EFHC2: variants seen among roughly 807,000 people sequenced by gnomAD.
The protein encoded by EFHC2 is EF-hand domain-containing family member C2.
Under a neutral mutation model 52.7 loss-of-function variants are expected in EFHC2, and 18 were observed. That is an observed-to-expected ratio of 0.34 (90% CI 0.24 to 0.51). EFHC2 has a LOEUF of 0.51. Ranked by LOEUF, EFHC2 falls within the 20% of genes least tolerant of loss-of-function variation. EFHC2 has a pLI of 0.97. For synonymous variants in EFHC2, 203 were observed against 204.1 expected (o/e 0.99, Z 0.04); for missense variants, 513 against 562.5 (o/e 0.91, Z 0.89).
chrX:44,207,016 G>A (rs1294384716), intron 11 of EFHC2, among the ~76,000 whole-genome samples: 7 of 111,026 alleles, frequency 6.3e-5, no homozygotes, highest in East Asian at 2.8e-4. Context: ...AAATAGGCAC[G>A]TACTAATAGA....
chrX:44,161,057 G>T (rs1160812205), intron 14 of EFHC2, among the ~76,000 whole-genome samples: 2 of 112,035 alleles, frequency 1.8e-5, no homozygotes, highest in Non-Finnish European at 3.8e-5. Flanking sequence ...AAATGCATGT[G>T]GTATGATCTT....
intron 7 of EFHC2, among the ~76,000 whole-genome samples, chrX:44,242,948 G>A (rs2037371435): frequency 8.9e-6 from 1 of 112,020 alleles, no homozygotes; most frequent in Admixed American, 9.5e-5. Flanking sequence ...ATGCAATGAA[G>A]CGAACAAACA....
chrX:44,262,381 C>A (rs1396427147), intron 3 of EFHC2, among the ~76,000 whole-genome samples: 3 of 106,500 alleles, frequency 2.8e-5, no homozygotes, highest in Non-Finnish European at 5.8e-5. Flanking sequence ...TATGGTGGTG[C>A]CCACATGTGG....
chrX:44,175,958 A>C (rs1300788717), intron 13 of EFHC2, among the ~76,000 whole-genome samples: 1 of 112,325 alleles, frequency 8.9e-6, no homozygotes, highest in Non-Finnish European at 1.9e-5. Context: ...GCTATCAGGA[A>C]CTGCTGCTTT....
At chrX:44,159,779 T>C (rs1264644442) in intron 14 of EFHC2, among the ~76,000 whole-genome samples, 1 of 112,697 alleles carries the variant, frequency 8.9e-6, no homozygotes, top group African/African-American at 3.2e-5. Context: ...CCTAGAACCA[T>C]TCTCTTGCCA....
At position 44,250,325 on chromosome X, in the gene EFHC2, A is replaced by T; in HGVS notation, c.727T>A (p.Phe243Ile). 2 of 1,211,504 alleles carry T rather than the reference A, an allele frequency of 1.7e-6. No individual in the cohort carries two copies. Among genetic ancestry groups the T allele is most frequent in the Non-Finnish European group, 2.2e-6 (2 of 895,351 alleles). Residue 243 changes from phenylalanine to isoleucine, a missense_variant, in exon 5 of 15, where the codon TTT becomes ATT. Transcript: ENST00000420999. ...FCLWDDSVSM[F>I]GDRRELILHY... Reference sequence around the variant, plus strand: ...AGGATGAGTTCTCTACGGTCTCCAAACATTGAGACTGAGTCATCCCACAGG... The same window carrying T: ...AGGATGAGTTCTCTACGGTCTCCAATCATTGAGACTGAGTCATCCCACAGG...
At chrX:44,191,531 CCA>C (rs1386342022) in intron 11 of EFHC2, among the ~76,000 whole-genome samples, 1 of 112,083 alleles carries the variant, frequency 8.9e-6, no homozygotes, top group Non-Finnish European at 1.9e-5. Flanking sequence ...GTCACTGCAC[CCA>C]GTCTGTTCAT....
intron 3 of EFHC2, among the ~76,000 whole-genome samples, chrX:44,271,540 A>G (rs756993805): frequency 1.2e-4 from 13 of 111,281 alleles, no homozygotes; most frequent in African/African-American, 3.9e-4. Flanking sequence ...TCGTCAAGGA[A>G]CTGAGTACCC....
At chrX:44,265,142 A>G (rs1319334350) in intron 3 of EFHC2, among the ~76,000 whole-genome samples, 1 of 111,916 alleles carries the variant, frequency 8.9e-6, no homozygotes, top group African/African-American at 3.2e-5. Flanking sequence ...ATATCCATTT[A>G]TGTTTCATGT....
At chrX:44,292,524 T>C (rs1037161846) in intron 2 of EFHC2, among the ~76,000 whole-genome samples, 1 of 112,168 alleles carries the variant, frequency 8.9e-6, no homozygotes, top group Non-Finnish European at 1.9e-5. Context: ...ATGGACAATC[T>C]GTGGTTATTT....
intron 13 of EFHC2, among the ~76,000 whole-genome samples, chrX:44,171,558 G>T (rs2036746112): frequency 9.0e-6 from 1 of 111,431 alleles, no homozygotes. Flanking sequence ...CCAGACACTT[G>T]AGAAGAGATG....
intron 11 of EFHC2, among the ~76,000 whole-genome samples, chrX:44,215,095 GCT>G (rs1329049615): frequency 7.2e-5 from 8 of 111,121 alleles, no homozygotes; most frequent in African/African-American, 2.3e-4. Flanking sequence ...TTCCCCGCTT[GCT>G]CTCTCTCTCT....
rs188703763 is a variant in EFHC2 at position 44,282,914 on chromosome X, G to T, written c.232-10078C>A. ...GGAGGGGCTGGATGGCCGTGGGGAG[G>T]TGAGTGTTGCTCTTAGATGGAGCGG... On this transcript the variant is annotated intron_variant, in intron 2 of 14. Transcript: ENST00000420999. Among the ~76,000 whole-genome samples the T allele has an allele frequency of 1.9e-3, 213 of 109,310 alleles. 5 individuals carry two copies. In the East Asian group the frequency reaches 0.043, roughly 22 times the overall value. The allele number at this position is 109,310 out of a possible 115,157, so 94.9% of individuals were successfully genotyped here.
chrX:44,342,185 C>T (rs1398619422), intron 1 of EFHC2, among the ~76,000 whole-genome samples: 1 of 112,383 alleles, frequency 8.9e-6, no homozygotes, highest in East Asian at 2.8e-4. Flanking sequence ...AATCAGTGTT[C>T]AAAGTTGGAC....
At chrX:44,181,344 T>C (rs2036834110) in intron 11 of EFHC2, among the ~76,000 whole-genome samples, 1 of 107,291 alleles carries the variant, frequency 9.3e-6, no homozygotes, top group African/African-American at 3.5e-5. Flanking sequence ...TTTCATTGTC[T>C]AAATGAAAAA....
At chrX:44,268,385 A>G (rs2037593052) in intron 3 of EFHC2, among the ~76,000 whole-genome samples, 1 of 111,805 alleles carries the variant, frequency 8.9e-6, no homozygotes, top group Non-Finnish European at 1.9e-5. Context: ...GCTACATTTC[A>G]TATTTCTTCT....
Position 44,179,524 on chromosome X carries a change from C to T in EFHC2, c.1752-960G>A, listed in dbSNP as rs773749042. On this transcript the variant is annotated intron_variant, in intron 11 of 14. Coordinates refer to ENST00000420999, the MANE Select transcript of EFHC2 (RefSeq NM_025184.4). ...TATCATCTAATAATTCTAGATTCTC[C>T]TAGTCAAGAATTTCCATAGAGTCTA... Among the ~76,000 whole-genome samples, 10 of 111,951 alleles carry T rather than the reference C, an allele frequency of 8.9e-5. No individual in the cohort carries two copies. The South Asian group carries it at 3.8e-3, about 42-fold the overall frequency.
At chrX:44,255,896 C>G (rs1185123559) in intron 4 of EFHC2, among the ~76,000 whole-genome samples, 2 of 111,484 alleles carry the variant, frequency 1.8e-5, no homozygotes, top group African/African-American at 6.5e-5. Flanking sequence ...TCAGCAAATG[C>G]AAAAGAACGG....
In EFHC2 at chrX:44,248,904, T is replaced by C. The variant is rs2037421344; in HGVS notation, c.871A>G (p.Arg291Gly). 2.5e-6 allele frequency: 3 copies of C among 1,189,465 alleles called. No individual in the cohort carries two copies. The highest frequency in any genetic ancestry group is 2.3e-5 in the Admixed American group (1 of 43,678). The change falls in exon 6 of 15, where the codon AGA becomes GGA. Residue 291 changes from arginine to glycine, a missense_variant. Arg to Gly is a moderately radical substitution (Grantham distance 125). Transcript: ENST00000420999. Reference protein sequence around the residue: ...RSKLPKNCPPRVYQPGQITDR... With the variant: ...RSKLPKNCPPGVYQPGQITDR... ...GTTATCTGGCCTGGTTGATAGACTC[T>C]AGGTGGGCAATTCTGGAAGACAAAA... is the stretch of plus-strand genomic sequence containing the variant.
Sources: allele counts gnomAD v4.1 joint callset (sites outside exome capture counted in the v4.1 genomes callset), GRCh38; gene constraint gnomAD v4.1.1; transcripts MANE v1.5; gene names NCBI Gene and HGNC (gene_info 2026-07-23, HGNC 2026-07-21).